SV2B: variants seen among roughly 807,000 people sequenced by gnomAD.
SV2B encodes the protein solute carrier family 22 member B2.
A neutral mutation model predicts 73.9 loss-of-function variants in SV2B; 41 were observed. That is an observed-to-expected ratio of 0.56 (90% CI 0.43 to 0.72). The LOEUF (loss-of-function observed/expected upper bound fraction) is 0.72. SV2B is among the 30% of genes least tolerant of loss of function. The probability of loss-of-function intolerance (pLI) is 0.00; values close to 1 mark genes in which losing one functional copy is unlikely to be tolerated. For missense variants in SV2B, 764 were observed against 857.8 expected, an observed-to-expected ratio of 0.89 and a Z score of 1.37; for synonymous variants, 314 against 314.2, an observed-to-expected ratio of 1.00 and a Z score of 0.01.
At chr15:91,173,000 C>G (rs1254278931) in intron 1 of SV2B, among the ~76,000 whole-genome samples, 1 of 151,434 alleles carries the variant, frequency 6.6e-6, no homozygotes, top group Non-Finnish European at 1.5e-5. Context: ...GGATACCACA[C>G]TGTGATAAGT....
At chr15:91,180,437 G>C (rs1392098034) in intron 1 of SV2B, among the ~76,000 whole-genome samples, 1 of 151,774 alleles carries the variant, frequency 6.6e-6, no homozygotes, top group East Asian at 1.9e-4. Flanking sequence ...CTGAATGTTG[G>C]CCTGCCTTGC....
In SV2B at chr15:91,268,705, G is replaced by A; in HGVS notation, c.1373+100G>A. ...GGAAGATAAGAATCAAATATGGCCGGGAATGAGCGCCAAGGCTGGTGTCAT... is the reference window on the plus strand; with the variant it reads ...GGAAGATAAGAATCAAATATGGCCGAGAATGAGCGCCAAGGCTGGTGTCAT... On this transcript the variant is annotated intron_variant, in intron 9 of 12. Transcript: ENST00000394232. The surrounding 1 kb of genome is among the most constrained non-coding windows in gnomAD (Gnocchi z 4.4). 1 of 1,455,196 alleles carries A rather than the reference G, an allele frequency of 6.9e-7. No individual in the cohort carries two copies. The highest frequency in any genetic ancestry group is 9.3e-7 in the Non-Finnish European group (1 of 1,078,700). The allele number at this position is 1,455,196 out of a possible 1,614,324, so 90.1% of individuals were successfully genotyped here.
At chr15:91,173,967 G>A (rs2044214347) in intron 1 of SV2B, among the ~76,000 whole-genome samples, 1 of 152,104 alleles carries the variant, frequency 6.6e-6, no homozygotes, top group Non-Finnish European at 1.5e-5. Flanking sequence ...GCATGTTGAG[G>A]ACCACTGCAA....
At chr15:91,189,905 A>G (rs1269859802) in intron 1 of SV2B, among the ~76,000 whole-genome samples, 1 of 152,060 alleles carries the variant, frequency 6.6e-6, no homozygotes, top group Non-Finnish European at 1.5e-5. Context: ...GGAGAATGGC[A>G]TGAACCCGGG....
At position 91,226,163 on chromosome 15, in the gene SV2B, T is replaced by A; in HGVS notation, c.-101T>A. 1 of 1,157,330 alleles carries A rather than the reference T, an allele frequency of 8.6e-7. No individual in the cohort carries two copies. The highest frequency in any genetic ancestry group is 1.2e-6 in the Non-Finnish European group (1 of 810,144). The allele number at this position is 1,157,330 out of a possible 1,614,324, so 71.7% of individuals were successfully genotyped here. A position where few individuals can be genotyped will look rare whatever the true frequency, so the allele number is the denominator to read the frequency against. On this transcript the variant is annotated 5_prime_UTR_variant, in exon 2 of 13. An upstream open reading frame in the 5' UTR loses its in-frame stop. Coordinates refer to ENST00000394232, the MANE Select transcript of SV2B (RefSeq NM_001323032.3). ...AAGTCACATGAACATATTTCACATT[T>A]GAACTACATAATGAATGATGGTTAT...
At chr15:91,169,612 G>A (rs2044047423) in intron 1 of SV2B, among the ~76,000 whole-genome samples, 1 of 152,174 alleles carries the variant, frequency 6.6e-6, no homozygotes, top group Admixed American at 6.6e-5. Context: ...ATGCTGTGGG[G>A]AAAAGCAGGC....
chr15:91,204,721 C>A (rs574339482), intron 1 of SV2B, among the ~76,000 whole-genome samples: 1 of 152,074 alleles, frequency 6.6e-6, no homozygotes, highest in Non-Finnish European at 1.5e-5. Context: ...CCATGCCCGG[C>A]TAATTTTTAA....
rs1011009839 is a variant in SV2B at position 91,197,214 on chromosome 15, G to C, written c.-391-28659G>C. 6.8e-6 allele frequency among the ~76,000 whole-genome samples: 1 copy of C among 147,734 alleles called. No homozygotes were observed. The highest frequency in any genetic ancestry group is 1.5e-5 in the Non-Finnish European group (1 of 67,892). ...ATTGTTTTGTTTTTGTGTTTTTTTT[G>C]TTTTTTGTTTTGTTTTGTTTTGTTT... On this transcript the variant is annotated intron_variant, in intron 1 of 12. Transcript: ENST00000394232. This position sits in a 1 kb window ranked among gnomAD's most constrained non-coding sequence, Gnocchi z 4.9.
intron 1 of SV2B, among the ~76,000 whole-genome samples, chr15:91,169,693 C>A (rs752064348): frequency 6.6e-6 from 1 of 152,032 alleles, no homozygotes; most frequent in Non-Finnish European, 1.5e-5. Flanking sequence ...GATCAATGAA[C>A]GAAATAATTT....
chr15:91,233,213 C>T (rs1165983114), intron 2 of SV2B, among the ~76,000 whole-genome samples: 4 of 152,150 alleles, frequency 2.6e-5, no homozygotes, highest in Non-Finnish European at 5.9e-5. Flanking sequence ...AATGAAGATA[C>T]ATAAAATATC....
At chr15:91,175,146 G>C (rs1211595790) in intron 1 of SV2B, among the ~76,000 whole-genome samples, 1 of 152,188 alleles carries the variant, frequency 6.6e-6, no homozygotes, top group Non-Finnish European at 1.5e-5. Flanking sequence ...TAATCTGCCT[G>C]CCTTTGTCAC....
intron 1 of SV2B, among the ~76,000 whole-genome samples, chr15:91,144,896 GT>G (rs57977211): frequency 0.46 from 65,353 of 143,000 alleles, 14,663 homozygotes; most frequent in Middle Eastern, 0.58. Context: ...GAAGAGAACT[GT>G]TTTTTTTTTT....
At chr15:91,113,004 T>C (rs2042079153) in intron 1 of SV2B, among the ~76,000 whole-genome samples, 1 of 152,142 alleles carries the variant, frequency 6.6e-6, no homozygotes, top group African/African-American at 2.4e-5. Flanking sequence ...AATTAATTTT[T>C]TTCTTTTTTG....
chr15:91,103,033 C>T (rs1440525430), intron 1 of SV2B, among the ~76,000 whole-genome samples: 1 of 152,170 alleles, frequency 6.6e-6, no homozygotes, highest in Non-Finnish European at 1.5e-5. Flanking sequence ...AGGGGCAACA[C>T]GGCAGGTATT....
At chr15:91,237,392 A>G (rs1263831309) in intron 2 of SV2B, among the ~76,000 whole-genome samples, 1 of 152,222 alleles carries the variant, frequency 6.6e-6, no homozygotes, top group Non-Finnish European at 1.5e-5. Flanking sequence ...GTCTCCAGGT[A>G]TTGCTAAATG....
At chr15:91,109,001 T>C (rs2041965219) in intron 1 of SV2B, among the ~76,000 whole-genome samples, 1 of 151,878 alleles carries the variant, frequency 6.6e-6, no homozygotes. Flanking sequence ...GGGGAGAGAG[T>C]AGCATTAATT....
chr15:91,116,211 T>G (rs2042174102), intron 1 of SV2B, among the ~76,000 whole-genome samples: 1 of 152,168 alleles, frequency 6.6e-6, no homozygotes, highest in Non-Finnish European at 1.5e-5. Context: ...AAAAAATCCA[T>G]CTCGGTGTCA....
chr15:91,174,363 T>C (rs2012517), intron 1 of SV2B, among the ~76,000 whole-genome samples: 46,948 of 152,056 alleles, frequency 0.31, 7,794 homozygotes, highest in Middle Eastern at 0.4. Flanking sequence ...ATTGTGATAG[T>C]CCTGCGTGTG....
intron 1 of SV2B, among the ~76,000 whole-genome samples, chr15:91,149,947 T>A (rs2043262015): frequency 6.6e-6 from 1 of 152,120 alleles, no homozygotes; most frequent in African/African-American, 2.4e-5. Flanking sequence ...CTGATGGGAG[T>A]ATGTAGCGCT....
Sources: gnomAD v4.1 joint callset for allele counts (sites outside exome capture counted in the v4.1 genomes callset) on GRCh38, gnomAD v4.1.1 for gene constraint, Gnocchi (gnomAD v3.1) non-coding constraint, MANE v1.5 for transcripts, NCBI Gene and HGNC (gene_info 2026-07-23, HGNC 2026-07-21) for gene names.